Variants in ST6GALNAC5 observed in about 807,000 individuals in gnomAD.
The protein encoded by ST6GALNAC5 is alpha-N-acetylgalactosaminide alpha-2,6-sialyltransferase 5.
In ST6GALNAC5, 27 loss-of-function variants were observed where a neutral mutation model predicts 33.6. That is an observed-to-expected ratio of 0.80 (90% CI 0.59 to 1.11). The LOEUF (loss-of-function observed/expected upper bound fraction) is 1.11. Among genes scored for constraint, ST6GALNAC5 ranks in the 50% least tolerant of loss-of-function variants. The pLI is 0.00. For synonymous variants in ST6GALNAC5, 194 were observed against 171.2 expected (o/e 1.13, Z -1.04); for missense variants, 428 against 454.0 (o/e 0.94, Z 0.52).
At chr1:76,980,959 C>T (rs1163658145) in intron 2 of ST6GALNAC5, among the ~76,000 whole-genome samples, 2 of 152,104 alleles carry the variant, frequency 1.3e-5, no homozygotes, top group Non-Finnish European at 2.9e-5. Context: ...AAAATTTTAA[C>T]AAGTCATATA....
intron 2 of ST6GALNAC5, among the ~76,000 whole-genome samples, chr1:77,022,776 G>C (rs921413408): frequency 2.0e-5 from 3 of 152,102 alleles, no homozygotes; most frequent in Admixed American, 6.5e-5. Flanking sequence ...TCTGAAAATG[G>C]GATACTTTTT....
At chr1:77,056,571 T>C (rs1297922995) in intron 4 of ST6GALNAC5, among the ~76,000 whole-genome samples, 1 of 152,224 alleles carries the variant, frequency 6.6e-6, no homozygotes, top group Non-Finnish European at 1.5e-5. Context: ...CTGCCAGAAT[T>C]ATTAGCTAGC....
chr1:76,957,788 A>G (rs1341036791), intron 2 of ST6GALNAC5, among the ~76,000 whole-genome samples: 1 of 152,166 alleles, frequency 6.6e-6, no homozygotes, highest in Non-Finnish European at 1.5e-5. Flanking sequence ...TCCGATATAG[A>G]GATCATATTC....
At chr1:76,958,360 T>G (rs1648089488) in intron 2 of ST6GALNAC5, among the ~76,000 whole-genome samples, 1 of 152,248 alleles carries the variant, frequency 6.6e-6, no homozygotes. Flanking sequence ...AGTGTTAGTT[T>G]TCTTCCGCTA....
intron 3 of ST6GALNAC5, 92 bp from the exon 4 acceptor site, chr1:77,050,166 A>T: frequency 9.8e-7 from 1 of 1,020,894 alleles, no homozygotes; most frequent in Non-Finnish European, 1.5e-6. Flanking sequence ...ACTCTTGTTT[A>T]TAGTTAGCCT....
At chr1:76,964,586 A>G (rs1045452101) in intron 2 of ST6GALNAC5, among the ~76,000 whole-genome samples, 12 of 152,222 alleles carry the variant, frequency 7.9e-5, no homozygotes, top group African/African-American at 2.4e-4. Flanking sequence ...TAAACATTAT[A>G]TAAGTAGGAT....
intron 2 of ST6GALNAC5, among the ~76,000 whole-genome samples, chr1:77,032,931 G>A (rs1651512272): frequency 6.6e-6 from 1 of 152,172 alleles, no homozygotes; most frequent in Admixed American, 6.5e-5. Context: ...GCAGAGGCCA[G>A]AGAAGCCAGT....
intron 2 of ST6GALNAC5, among the ~76,000 whole-genome samples, chr1:77,006,321 ATTTTT>A (rs71075723): frequency 1.4e-4 from 13 of 92,818 alleles, no homozygotes; most frequent in Admixed American, 2.4e-4. Context: ...CACCCGGCTA[ATTTTT>A]TTTTTTTTTT....
intron 2 of ST6GALNAC5, among the ~76,000 whole-genome samples, chr1:77,038,219 C>T (rs1274553534): frequency 6.6e-6 from 1 of 152,124 alleles, no homozygotes; most frequent in Non-Finnish European, 1.5e-5. Context: ...GACTTCTTGG[C>T]AGTGAAGGCT....
chr1:77,008,765 G>A (rs1256525406), intron 2 of ST6GALNAC5, among the ~76,000 whole-genome samples: 2 of 152,098 alleles, frequency 1.3e-5, no homozygotes, highest in Non-Finnish European at 2.9e-5. Context: ...CCTGACCTCA[G>A]ATGATCCACC....
chr1:76,993,268 T>G (rs1016473805), intron 2 of ST6GALNAC5, among the ~76,000 whole-genome samples: 1 of 152,240 alleles, frequency 6.6e-6, no homozygotes, highest in Non-Finnish European at 1.5e-5. Context: ...ATCTTTACAT[T>G]TCTGTTGGCC....
chr1:77,065,939 C>A lies in ST6GALNAC5; in HGVS notation c.*2733C>A, dbSNP rs1652764649. Among the ~76,000 whole-genome samples, 1 of 152,236 alleles carries A rather than the reference C, an allele frequency of 6.6e-6. No homozygotes were observed. The highest frequency in any genetic ancestry group is 1.5e-5 in the Non-Finnish European group (1 of 68,020). ...TGGCAGAGGCCATTACAATAGATAG[C>A]CATTATGGGCAAAGATACGGGAATT... On this transcript the variant is annotated 3_prime_UTR_variant, in exon 5 of 5. Transcript: ENST00000477717.
intron 2 of ST6GALNAC5, among the ~76,000 whole-genome samples, chr1:76,984,983 C>T (rs552015540): frequency 1.2e-4 from 19 of 152,254 alleles, no homozygotes; most frequent in African/African-American, 3.8e-4. Flanking sequence ...GCTAAAAACA[C>T]GCAATAAACT....
chr1:76,902,013 C>T (rs1201944332), intron 2 of ST6GALNAC5, among the ~76,000 whole-genome samples: 2 of 151,808 alleles, frequency 1.3e-5, no homozygotes, highest in Non-Finnish European at 2.9e-5. Flanking sequence ...TTTCTCATAT[C>T]CAGAAAAGTG....
At chr1:76,945,975 G>A (rs978254047) in intron 2 of ST6GALNAC5, among the ~76,000 whole-genome samples, 6 of 151,998 alleles carry the variant, frequency 3.9e-5, no homozygotes, top group Admixed American at 6.6e-5. Flanking sequence ...CCATTTTACC[G>A]TAAATACTAT....
At chr1:76,869,588 G>C (rs1308028631) in intron 2 of ST6GALNAC5, among the ~76,000 whole-genome samples, 1 of 152,124 alleles carries the variant, frequency 6.6e-6, no homozygotes, top group African/African-American at 2.4e-5. Context: ...AAAGCTAGAG[G>C]ATTTCTTGAA....
At chr1:76,950,013 T>G (rs182109468) in intron 2 of ST6GALNAC5, among the ~76,000 whole-genome samples, 22 of 152,202 alleles carry the variant, frequency 1.4e-4, no homozygotes, top group Admixed American at 1.0e-3. Context: ...CAGCTTAGCA[T>G]GAGGGGACTT....
At chr1:76,935,636 T>C (rs1647193993) in intron 2 of ST6GALNAC5, among the ~76,000 whole-genome samples, 1 of 152,060 alleles carries the variant, frequency 6.6e-6, no homozygotes, top group South Asian at 2.1e-4. Flanking sequence ...ATTCCTTTTT[T>C]TCCTCATAAA....
chr1:77,009,127 A>G (rs566414501), intron 2 of ST6GALNAC5, among the ~76,000 whole-genome samples: 4 of 152,320 alleles, frequency 2.6e-5, no homozygotes, highest in Non-Finnish European at 4.4e-5. Flanking sequence ...CTAGCACTTC[A>G]CACACTAGCA....
Sources: gnomAD v4.1 joint callset for allele counts (sites outside exome capture counted in the v4.1 genomes callset) on GRCh38, gnomAD v4.1.1 for gene constraint, MANE v1.5 for transcripts, NCBI Gene and HGNC (gene_info 2026-07-23, HGNC 2026-07-21) for gene names.